The following DNMT3A variants were observed in gnomAD, a reference collection of about 807,000 sequenced individuals.
The protein encoded by DNMT3A is DNA methyltransferase 3 alpha, also known as DNA (cytosine-5)-methyltransferase 3A.
In DNMT3A, 267 loss-of-function variants were observed where a neutral mutation model predicts 117.6. The observed-to-expected ratio is 2.27, with a 90% confidence interval of 2.05 to 2.51. The LOEUF (loss-of-function observed/expected upper bound fraction) is 2.51, where lower values mean the gene tolerates loss of function less well. Ranked by LOEUF, DNMT3A falls within the 30% of genes most tolerant of loss-of-function variation. The probability of loss-of-function intolerance (pLI) is 0.00; values close to 1 mark genes in which losing one functional copy is unlikely to be tolerated. For synonymous variants in DNMT3A, 432 were observed against 474.8 expected (o/e 0.91, Z 1.17); for missense variants, 1,029 against 1,260.2 (o/e 0.82, Z 2.78).
intron 3 of DNMT3A, among the ~76,000 whole-genome samples, chr2:25,291,999 A>G (rs1410889046): frequency 6.6e-6 from 1 of 152,200 alleles, no homozygotes; most frequent in Non-Finnish European, 1.5e-5. Context: ...TCACGCCTGT[A>G]ATCCCAGCAC....
intron 1 of DNMT3A, among the ~76,000 whole-genome samples, chr2:25,325,584 C>T (rs1038632248): frequency 2.0e-5 from 3 of 152,212 alleles, no homozygotes; most frequent in African/African-American, 4.8e-5. Context: ...ATGCTGACCT[C>T]GTCCTCGGGG....
Position 25,247,063 on chromosome 2 carries a change from G to T in DNMT3A, c.1110C>A (p.Tyr370Ter). Reference sequence around the variant, plus strand: ...CAGGGACACTCACCTGCAGGACCTCGTAGATGGCTTTGCGGTACATGGGCT... The same window carrying T: ...CAGGGACACTCACCTGCAGGACCTCTTAGATGGCTTTGCGGTACATGGGCT... ...NKQPMYRKAI[Y>*]EVLQVASSRA... Residue 370 changes from tyrosine (Y) to a stop codon, truncating the protein, a stop_gained, in exon 9 of 23, where the codon TAC (tyrosine) becomes TAA (stop). Coordinates refer to ENST00000321117, the MANE Select transcript of DNMT3A (RefSeq NM_022552.5). LOFTEE classifies it high-confidence loss of function. The surrounding 1 kb of genome is among the most constrained non-coding windows in gnomAD (Gnocchi z 5.6). 6.2e-7 allele frequency: 1 copy of T among 1,614,046 alleles called. No homozygotes were observed. The highest frequency in any genetic ancestry group is 8.5e-7 in the Non-Finnish European group (1 of 1,179,950).
At chr2:25,263,173 C>T (rs1436420288) in intron 6 of DNMT3A, among the ~76,000 whole-genome samples, 1 of 152,052 alleles carries the variant, frequency 6.6e-6, no homozygotes, top group African/African-American at 2.4e-5. Flanking sequence ...TGGGCTCAAG[C>T]AATCCTCCCA....
chr2:25,307,527 G>A (rs1234353362), intron 2 of DNMT3A, among the ~76,000 whole-genome samples: 2 of 148,220 alleles, frequency 1.3e-5, no homozygotes, highest in Non-Finnish European at 3.0e-5. Context: ...GTGCAATGGC[G>A]AGATCTTGGC....
At chr2:25,332,539 AATGG>A in intron 1 of DNMT3A, among the ~76,000 whole-genome samples, 1 of 152,376 alleles carries the variant, frequency 6.6e-6, no homozygotes, top group South Asian at 2.1e-4. Context: ...CTCTTAGATG[AATGG>A]ATGAACATCA....
intron 4 of DNMT3A, among the ~76,000 whole-genome samples, chr2:25,276,416 CAT>C (rs1226372127): frequency 6.6e-6 from 1 of 152,186 alleles, no homozygotes; most frequent in Non-Finnish European, 1.5e-5. Context: ...GTGCTCAATA[CAT>C]GTTAGTGTGG....
rs1036949120 is a variant in DNMT3A at position 25,327,213 on chromosome 2, C to T, written c.-177-13052G>A. ...CTAGCCAATTCCTCATTATTCCAAT[C>T]CAATTAGAGTTAATAATTCGTTATG... is the stretch of plus-strand genomic sequence containing the variant. On this transcript the variant is annotated intron_variant, in intron 1 of 22. Transcript: ENST00000321117. This position sits in a 1 kb window ranked among gnomAD's most constrained non-coding sequence, Gnocchi z 4.1. 2.0e-5 allele frequency among the ~76,000 whole-genome samples: 3 copies of T among 152,214 alleles called. No individual in the cohort carries two copies. Among genetic ancestry groups the T allele is most frequent in the African/African-American group, 7.2e-5 (3 of 41,458 alleles).
chr2:25,255,822 T>C (rs888231258), intron 6 of DNMT3A, among the ~76,000 whole-genome samples: 2 of 152,202 alleles, frequency 1.3e-5, no homozygotes, highest in African/African-American at 4.8e-5. Flanking sequence ...ATCATAAGTA[T>C]GTTAATGTGA....
chr2:25,282,157 T>G lies in DNMT3A; in HGVS notation c.448+284A>C. On this transcript the variant is annotated intron_variant, in intron 4 of 22. Coordinates refer to ENST00000321117, the MANE Select transcript of DNMT3A (RefSeq NM_022552.5). This position sits in a 1 kb window ranked among gnomAD's most constrained non-coding sequence, Gnocchi z 5.2. ...AGCCCGCTGTTGCCAGATCTAGCTT[T>G]TTTTTTTTTCATGAGAAGCCAAAAC... 1 of 1,186,288 alleles carries G rather than the reference T, an allele frequency of 8.4e-7. No individual in the cohort carries two copies. The highest frequency in any genetic ancestry group is 1.1e-6 in the Non-Finnish European group (1 of 924,340). The allele number at this position is 1,186,288 out of a possible 1,614,324, so 73.5% of individuals were successfully genotyped here. A position where few individuals can be genotyped will look rare whatever the true frequency, so the allele number is the denominator to read the frequency against.
At chr2:25,267,506 T>A (rs1167893033) in intron 6 of DNMT3A, among the ~76,000 whole-genome samples, 4 of 152,114 alleles carry the variant, frequency 2.6e-5, no homozygotes, top group Non-Finnish European at 5.9e-5. Context: ...GCCAAGAAGT[T>A]GAGGCTGCAG....
Position 25,281,618 on chromosome 2 carries a change from A to G in DNMT3A, c.448+823T>C. 9.4e-7 allele frequency: 1 copy of G among 1,064,870 alleles called. No individual in the cohort carries two copies. The highest frequency in any genetic ancestry group is 1.1e-6 in the Non-Finnish European group (1 of 878,902). The allele number at this position is 1,064,870 out of a possible 1,614,324, so 66.0% of individuals were successfully genotyped here. Reference sequence around the variant, plus strand: ...ATGCACATATGCAAAACAACCTGGCAGGGCCCTGGGAGGATCAAATGTGAT... The same window carrying G: ...ATGCACATATGCAAAACAACCTGGCGGGGCCCTGGGAGGATCAAATGTGAT... On this transcript the variant is annotated intron_variant, in intron 4 of 22. Transcript: ENST00000321117. This position sits in a 1 kb window ranked among gnomAD's most constrained non-coding sequence, Gnocchi z 4.8.
intron 3 of DNMT3A, among the ~76,000 whole-genome samples, chr2:25,287,327 T>C (rs1446907562): frequency 6.6e-6 from 1 of 151,896 alleles, no homozygotes; most frequent in East Asian, 1.9e-4. Context: ...GGGGGCCAGA[T>C]GGGGGCCACA....
chr2:25,324,240 A>C (rs2034705471), intron 1 of DNMT3A, among the ~76,000 whole-genome samples: 2 of 152,194 alleles, frequency 1.3e-5, no homozygotes, highest in Non-Finnish European at 2.9e-5. Context: ...GTGCTAAGGA[A>C]CATGCACTAT....
chr2:25,333,550 C>T (rs1156787457), intron 1 of DNMT3A, among the ~76,000 whole-genome samples: 1 of 152,078 alleles, frequency 6.6e-6, no homozygotes, highest in Admixed American at 6.6e-5. Context: ...AGGCTGGTCT[C>T]GAACTCCTCA....
upstream of DNMT3A, chr2:25,342,519 C>T (rs1453997323): frequency 3.9e-5 from 6 of 152,182 alleles, no homozygotes; most frequent in Admixed American, 6.5e-5. This position sits in a 1 kb window ranked among gnomAD's most constrained non-coding sequence, Gnocchi z 5.9. Context: ...TCAAGTGCCT[C>T]CCCCCGCAGC....
chr2:25,254,421 T>TC lies in DNMT3A; in HGVS notation c.640-6170dup, dbSNP rs907047588. Among the ~76,000 whole-genome samples, 7 of 150,250 alleles carry TC rather than the reference T, an allele frequency of 4.7e-5. No individual in the cohort carries two copies. In the South Asian group the frequency reaches 6.3e-4, roughly 14 times the overall value. ...CTACCTAGAAGACTTGGGTACAGAC[T>TC]CCCCCCCAACCCTGAGACCCAGAAT... On this transcript the variant is annotated intron_variant, in intron 6 of 22. Coordinates refer to ENST00000321117, the MANE Select transcript of DNMT3A (RefSeq NM_022552.5). This position sits in a 1 kb window ranked among gnomAD's most constrained non-coding sequence, Gnocchi z 4.7.
chr2:25,318,843 G>A (rs1252125863), intron 1 of DNMT3A, among the ~76,000 whole-genome samples: 9 of 145,710 alleles, frequency 6.2e-5, no homozygotes, highest in African/African-American at 2.0e-4. Context: ...GACTACAGGC[G>A]CCCACCACCA....
chr2:25,260,254 C>T (rs1338787687), intron 6 of DNMT3A, among the ~76,000 whole-genome samples: 1 of 152,182 alleles, frequency 6.6e-6, no homozygotes, highest in Non-Finnish European at 1.5e-5. Context: ...TCATCTGAGG[C>T]TTGGTGGTTT....
intron 1 of DNMT3A, among the ~76,000 whole-genome samples, chr2:25,334,125 G>A (rs1253495580): frequency 2.6e-5 from 4 of 152,214 alleles, no homozygotes; most frequent in Non-Finnish European, 5.9e-5. Context: ...CTATTGAACA[G>A]GGGCAGCCTC....
Sources: gnomAD v4.1 joint callset for allele counts (sites outside exome capture counted in the v4.1 genomes callset) on GRCh38, gnomAD v4.1.1 for gene constraint, Gnocchi (gnomAD v3.1) non-coding constraint, MANE v1.5 for transcripts, NCBI Gene and HGNC (gene_info 2026-07-23, HGNC 2026-07-21) for gene names.